The following CDK16 variants were observed in gnomAD, a reference collection of about 807,000 sequenced individuals.
CDK16 encodes the protein cyclin dependent kinase 16.
A neutral mutation model predicts 41.6 loss-of-function variants in CDK16; 2 were observed. The observed-to-expected ratio is 0.05, with a 90% CI of 0.02 to 0.15. CDK16 has a LOEUF of 0.15. Among genes scored for constraint, CDK16 ranks in the 10% least tolerant of loss-of-function variants. CDK16 has a pLI of 1.00. For synonymous variants in CDK16, 169 were observed against 169.7 expected, an observed-to-expected ratio of 1.00 and a Z score of 0.03; for missense variants, 228 against 428.9, an observed-to-expected ratio of 0.53 and a Z score of 4.14.
At chrX:47,227,575 G>T in intron 14 of CDK16, 106 bp downstream of exon 14, 1 of 528,175 alleles carries the variant, frequency 1.9e-6, no homozygotes, top group Non-Finnish European at 3.3e-6. Context: ...ACCTCTACGT[G>T]GGGGGACATC....
At chrX:47,223,242 T>C in intron 1 of CDK16, 2 of 1,156,602 alleles carry the variant, frequency 1.7e-6, no homozygotes, top group Non-Finnish European at 1.1e-6. Context: ...GTGGGGCTTT[T>C]CCCCTAGATC....
chrX:47,218,671 C>G (rs782696833), upstream of CDK16: 30 of 1,165,811 alleles, frequency 2.6e-5, no homozygotes, highest in Non-Finnish European at 3.4e-5. Context: ...CGAGGTGAGT[C>G]CCCTCCTTTC....
At chrX:47,222,207 CCT>C (rs1350045601) in intron 1 of CDK16, 2 of 112,165 alleles carry the variant, frequency 1.8e-5, no homozygotes, top group South Asian at 3.6e-4. Flanking sequence ...CCCTCAGCCC[CCT>C]GATTCACTTA....
intron 2 of CDK16, 108 bp from the exon 3 acceptor site, chrX:47,224,277 G>T (rs1937478401): frequency 1.1e-6 from 1 of 880,723 alleles, no homozygotes; most frequent in Admixed American, 3.3e-5. Context: ...GTTTCCTGTG[G>T]GGGCCACGTG....
At chrX:47,221,285 G>A (rs1602676333) in intron 1 of CDK16, among the ~76,000 whole-genome samples, 1 of 111,555 alleles carries the variant, frequency 9.0e-6, no homozygotes, top group Middle Eastern at 4.7e-3. Flanking sequence ...TTTATGTCCA[G>A]TTTCTTGCTC....
chrX:47,224,354 TG>T, intron 2 of CDK16, 30 bp from the exon 3 acceptor site: 1 of 1,159,758 alleles, frequency 8.6e-7, no homozygotes, highest in Middle Eastern at 2.8e-4. Context: ...TGACCCCACC[TG>T]GCCTGCCCTA....
chrX:47,222,952 T>TGGC, intron 1 of CDK16: 1 of 655,456 alleles, frequency 1.5e-6, no homozygotes, highest in Non-Finnish European at 1.9e-6. Context: ...TGACACACGC[T>TGGC]CCCCTCCCCC....
At chrX:47,228,004 T>G (rs1177804522) in intron 14 of CDK16, 1 of 114,338 alleles carries the variant, frequency 8.7e-6, no homozygotes, top group Admixed American at 9.2e-5. Context: ...TAAAAACTTT[T>G]TAATATGGAT....
chrX:47,224,135 G>C (rs1384937390), intron 2 of CDK16, among the ~76,000 whole-genome samples: 1 of 111,111 alleles, frequency 9.0e-6, no homozygotes, highest in East Asian at 2.8e-4. Context: ...CCGGCTCTGA[G>C]CTCAGCTTGC....
intron 15 of CDK16, 25 bp downstream of exon 15, chrX:47,228,669 C>T: frequency 8.3e-7 from 1 of 1,205,010 alleles, no homozygotes; most frequent in Non-Finnish European, 1.1e-6. Context: ...TTGTCTTCCT[C>T]CCTGCCCCAC....
At chrX:47,222,805 G>A in intron 1 of CDK16, 1 of 331,089 alleles carries the variant, frequency 3.0e-6, no homozygotes, top group Non-Finnish European at 5.3e-6. Context: ...GACTTGGCTT[G>A]TAAAAGTCTA....
In CDK16 at chrX:47,228,778, C is replaced by A; in HGVS notation, c.*10C>A. 1 of 1,208,554 alleles carries A rather than the reference C, an allele frequency of 8.3e-7. No individual in the cohort carries two copies. The highest frequency in any genetic ancestry group is 1.1e-6 in the Non-Finnish European group (1 of 893,421). ...GGACACCGAGTTCTAAGCCACAGAC[C>A]GAGGCCCCAGCAGGCAGCGGCTGGA... On this transcript the variant is annotated 3_prime_UTR_variant, in exon 16 of 16. Transcript: ENST00000357227.
intron 14 of CDK16, 122 bp from the exon 15 acceptor site, chrX:47,228,445 A>T: frequency 1.9e-6 from 1 of 519,185 alleles, no homozygotes; most frequent in East Asian, 3.4e-5. Context: ...TGTTTGACAG[A>T]TAAAGGTCAA....
chrX:47,224,368 C>T lies in CDK16; in HGVS notation c.203-17C>T, dbSNP rs752874759. On this transcript the variant is annotated splice_polypyrimidine_tract_variant and intron_variant, in intron 2 of 15. Coordinates refer to ENST00000357227, the MANE Select transcript of CDK16 (RefSeq NM_006201.5). ...CTGACCCCACCTGGCCTGCCCTACC[C>T]CTCTCCCTGCCACCAGAGATTGTGC... 56 of 1,173,614 alleles carry T rather than the reference C, an allele frequency of 4.8e-5. No homozygotes were observed. The highest frequency in any genetic ancestry group is 4.8e-5 in the Non-Finnish European group (42 of 876,162).
chrX:47,225,124 G>T (rs371115424), intron 6 of CDK16, 22 bp downstream of exon 6: 6 of 1,095,129 alleles, frequency 5.5e-6, no homozygotes, highest in African/African-American at 5.4e-5. Context: ...CATCCCATCT[G>T]CCCCAGGCTT....
chrX:47,225,203 A>C, intron 6 of CDK16, 101 bp downstream of exon 6: 3 of 513,759 alleles, frequency 5.8e-6, no homozygotes, highest in Non-Finnish European at 9.7e-6. Flanking sequence ...CCCCCAAAAC[A>C]CTCTGGCTTT....
Position 47,226,293 on chromosome X carries a change from G to A in CDK16, c.807G>A (p.Gln269=). 1.7e-6 allele frequency: 2 copies of A among 1,210,853 alleles called. No individual in the cohort carries two copies. Among genetic ancestry groups the A allele is most frequent in the Non-Finnish European group, 2.2e-6 (2 of 895,218 alleles). ...TGGGTCCCCAGCTGTTCCTGTTCCAGCTGCTCCGTGGCCTGGCCTACTGCC... is the reference window on the plus strand; with the variant it reads ...TGGGTCCCCAGCTGTTCCTGTTCCAACTGCTCCGTGGCCTGGCCTACTGCC... ...NMHNVKLFLF[Q]LLRGLAYCHR... is the part of the protein sequence containing the mutation. Residue 269 remains glutamine (Q), a synonymous_variant, in exon 9 of 16, where the codon CAG becomes CAA. Coordinates refer to ENST00000357227, the MANE Select transcript of CDK16 (RefSeq NM_006201.5).
chrX:47,229,436 C>T lies in CDK16; in HGVS notation c.*668C>T. 1 of 325,705 alleles carries T rather than the reference C, an allele frequency of 3.1e-6. No individual in the cohort carries two copies. Among genetic ancestry groups the T allele is most frequent in the Non-Finnish European group, 5.9e-6 (1 of 168,308 alleles). 26.8% of individuals were successfully genotyped at this position (325,705 alleles called of 1,213,427 possible). A position where few individuals can be genotyped will look rare whatever the true frequency, so the allele number is the denominator to read the frequency against. ...CAGGGACACAGCCCCTATTTGGAAC[C>T]CTGATCATCACCAGACCCTGGGATT... On this transcript the variant is annotated 3_prime_UTR_variant, in exon 16 of 16. Transcript: ENST00000357227.
chrX:47,228,464 G>A, intron 14 of CDK16, 103 bp from the exon 15 acceptor site: 1 of 638,085 alleles, frequency 1.6e-6, no homozygotes, highest in Admixed American at 2.6e-5. Context: ...AAGCCTCTCA[G>A]AGAAGGGGCA....
Sources: allele counts gnomAD v4.1 joint callset (sites outside exome capture counted in the v4.1 genomes callset), GRCh38; gene constraint gnomAD v4.1.1; transcripts MANE v1.5; gene names NCBI Gene and HGNC (gene_info 2026-07-23, HGNC 2026-07-21).